The following AIM2 variants were observed in gnomAD, a reference collection of about 807,000 sequenced individuals.
AIM2 encodes the protein interferon-inducible protein AIM2.
Under a neutral mutation model 27.7 loss-of-function variants are expected in AIM2, and 30 were observed. The ratio of observed to expected loss-of-function variants is 1.08; its 90% CI spans 0.81 to 1.47. The LOEUF (loss-of-function observed/expected upper bound fraction) is 1.47. Ranked by LOEUF, AIM2 falls within the 40% of genes most tolerant of loss-of-function variation. The probability of loss-of-function intolerance (pLI) is 0.00; values close to 1 mark genes in which losing one functional copy is unlikely to be tolerated. For synonymous variants in AIM2, 141 were observed against 145.3 expected (o/e 0.97, Z 0.21); for missense variants, 358 against 411.3 (o/e 0.87, Z 1.12).
At position 159,063,466 on chromosome 1, in the gene AIM2, T is replaced by C. The variant is rs745386397; in HGVS notation, c.1005+20A>G. 11 of 1,595,424 alleles carry C rather than the reference T, an allele frequency of 6.9e-6. No homozygotes were observed. The highest frequency in any genetic ancestry group is 9.4e-6 in the Non-Finnish European group (11 of 1,172,954). On this transcript the variant is annotated intron_variant, in intron 5 of 5. Transcript: ENST00000368130. Reference sequence around the variant, plus strand: ...ATATCACCCCCTTGGAGAGTTGACTTTGTTCCATGCAGTTCCCACCTTTAT... The same window carrying C: ...ATATCACCCCCTTGGAGAGTTGACTCTGTTCCATGCAGTTCCCACCTTTAT...
At chr1:159,068,430 C>G (rs1656205301) in intron 3 of AIM2, 138 bp downstream of exon 3, 1 of 1,191,280 alleles carries the variant, frequency 8.4e-7, no homozygotes, top group Non-Finnish European at 1.1e-6. Context: ...GTTTTTGTGA[C>G]TCAGAATGCT....
chr1:159,140,242 T>C (rs1324581412), intron 1 of AIM2, among the ~76,000 whole-genome samples: 1 of 152,236 alleles, frequency 6.6e-6, no homozygotes, highest in Non-Finnish European at 1.5e-5. Flanking sequence ...TGAATTGGCC[T>C]TCCACCAAGG....
chr1:159,146,791 C>T (rs937618557), intron 1 of AIM2, among the ~76,000 whole-genome samples: 2 of 152,130 alleles, frequency 1.3e-5, no homozygotes, highest in African/African-American at 4.8e-5. Flanking sequence ...ATTCCGCTGT[C>T]GTTAAAATCT....
At chr1:159,092,358 T>TA (rs1279772954) in intron 1 of AIM2, among the ~76,000 whole-genome samples, 1 of 152,196 alleles carries the variant, frequency 6.6e-6, no homozygotes, top group Non-Finnish European at 1.5e-5. Context: ...TAATAGCAGA[T>TA]AACAATTTTA....
chr1:159,116,186 A>G (rs1260569651), intron 1 of AIM2, among the ~76,000 whole-genome samples: 1 of 151,886 alleles, frequency 6.6e-6, no homozygotes, highest in Non-Finnish European at 1.5e-5. Context: ...GGAAACAACA[A>G]GTGCTGGACA....
intron 1 of AIM2, among the ~76,000 whole-genome samples, chr1:159,084,240 A>G (rs1300628582): frequency 6.6e-6 from 1 of 152,070 alleles, no homozygotes; most frequent in Non-Finnish European, 1.5e-5. Flanking sequence ...CATAATTTAT[A>G]TATTCTATAT....
rs745539537 is a variant in AIM2 at position 159,062,609 on chromosome 1, A to T, written c.*83T>A. The T allele has an allele frequency of 2.2e-6, 3 of 1,355,504 alleles. No homozygotes were observed. Among genetic ancestry groups the T allele is most frequent in the Non-Finnish European group, 3.1e-6 (3 of 955,070 alleles). 84.0% of individuals were successfully genotyped at this position (1,355,504 alleles called of 1,614,324 possible). The stretch of plus-strand genomic sequence containing the variant: ...AACTGCAGCTTTCAGGTAACTTACA[A>T]TCTGATTGAAGAGGCTGTATCACAT... On this transcript the variant is annotated 3_prime_UTR_variant, in exon 6 of 6. Coordinates refer to ENST00000368130, the MANE Select transcript of AIM2 (RefSeq NM_004833.3).
chr1:159,104,283 G>T (rs1657380105), intron 1 of AIM2, among the ~76,000 whole-genome samples: 1 of 152,118 alleles, frequency 6.6e-6, no homozygotes, highest in Non-Finnish European at 1.5e-5. Flanking sequence ...ATGGCTGCAG[G>T]CATGGACTCC....
chr1:159,068,641 G>T lies in AIM2; in HGVS notation c.323C>A (p.Pro108His). ...ATTTCTGATGGCTGCAGATGCAGCA[G>T]GACTCATTTCAGCTTGACTTAGTGG... The part of the protein sequence containing the change: ...PKPLSQAEMS[P>H]AASAAIRNDV... Residue 108 changes from proline (P) to histidine (H), a missense_variant, in exon 3 of 6, where the codon CCT (proline) becomes CAT (histidine). Transcript: ENST00000368130. The T allele has an allele frequency of 2.5e-6, 4 of 1,613,846 alleles. No individual in the cohort carries two copies. Among genetic ancestry groups the T allele is most frequent in the Middle Eastern group, 1.6e-4 (1 of 6,062 alleles).
At chr1:159,071,053 C>A (rs1656338265) in intron 2 of AIM2, among the ~76,000 whole-genome samples, 1 of 152,204 alleles carries the variant, frequency 6.6e-6, no homozygotes, top group Admixed American at 6.5e-5. Flanking sequence ...TTTCATTTAT[C>A]ATTTTCAGCA....
chr1:159,092,083 A>G (rs1328751586), intron 1 of AIM2, among the ~76,000 whole-genome samples: 3 of 152,262 alleles, frequency 2.0e-5, no homozygotes, highest in Non-Finnish European at 4.4e-5. Context: ...TATTGAAAAA[A>G]GAGGGCAATT....
At chr1:159,063,812 G>T in intron 4 of AIM2, 138 bp from the exon 5 acceptor site, 3 of 914,502 alleles carry the variant, frequency 3.3e-6, no homozygotes, top group African/African-American at 1.7e-5. Context: ...ACCTGTGCAG[G>T]TCCATTTATA....
chr1:159,058,759 C>T (rs930785814), downstream of AIM2, among the ~76,000 whole-genome samples: 7 of 152,082 alleles, frequency 4.6e-5, no homozygotes, highest in Non-Finnish European at 8.8e-5. Context: ...GACAGGGGTC[C>T]TTATCACATG....
chr1:159,059,619 C>G (rs1056150077), downstream of AIM2, among the ~76,000 whole-genome samples: 1 of 152,122 alleles, frequency 6.6e-6, no homozygotes, highest in South Asian at 2.1e-4. Flanking sequence ...TTGAGGTAAG[C>G]TTTCTGTAAT....
Position 159,136,844 on chromosome 1 carries a change from G to A in AIM2, c.-16+3587C>T, listed in dbSNP as rs182817518. Among the ~76,000 whole-genome samples, 407 of 152,192 alleles carry A rather than the reference G, an allele frequency of 2.7e-3. 2 individuals are homozygous for A. The highest frequency in any genetic ancestry group is 4.1e-3 in the Non-Finnish European group (276 of 68,010). ...AACTAGTTTAAAAATAAGTGATCTC[G>A]GCCAGGTAAGCTCTCCAGAGATGAT... On this transcript the variant is annotated intron_variant, in intron 1 of 2. Coordinates refer to the AIM2 transcript ENST00000368129.
At chr1:159,111,805 A>C (rs3133243) in intron 1 of AIM2, among the ~76,000 whole-genome samples, 104,373 of 147,428 alleles carry the variant, frequency 0.71, 39,785 homozygotes, top group South Asian at 0.93. Context: ...AAAAAAAAAA[A>C]AAAAAAAAAC....
chr1:159,058,934 G>C (rs1172410123), downstream of AIM2, among the ~76,000 whole-genome samples: 2 of 152,120 alleles, frequency 1.3e-5, no homozygotes, highest in African/African-American at 2.4e-5. Context: ...GGAAGAGGAG[G>C]GGCCAGGCTC....
intron 1 of AIM2, among the ~76,000 whole-genome samples, chr1:159,136,553 A>G (rs1193677544): frequency 6.6e-6 from 1 of 152,176 alleles, no homozygotes; most frequent in Admixed American, 6.5e-5. Context: ...CCTTATCATA[A>G]TACGCCATTT....
At chr1:159,128,888 C>T (rs773431694) in intron 1 of AIM2, among the ~76,000 whole-genome samples, 29 of 152,202 alleles carry the variant, frequency 1.9e-4, no homozygotes, top group Non-Finnish European at 3.7e-4. Context: ...ACATTCTCAG[C>T]AAATAACCCA....
Sources: allele counts gnomAD v4.1 joint callset (sites outside exome capture counted in the v4.1 genomes callset), GRCh38; gene constraint gnomAD v4.1.1; transcripts MANE v1.5; gene names NCBI Gene and HGNC (gene_info 2026-07-23, HGNC 2026-07-21).